Variants in KIF12 observed in about 807,000 individuals in gnomAD.
KIF12 encodes the protein kinesin family member 12.
A neutral mutation model predicts 87.9 loss-of-function variants in KIF12; 80 were observed. That is an observed-to-expected ratio of 0.91 (90% CI 0.76 to 1.10). The LOEUF (loss-of-function observed/expected upper bound fraction) is 1.10. Ranked by LOEUF, KIF12 falls within the 50% of genes least tolerant of loss-of-function variation. The pLI is 0.00. For missense variants in KIF12, 819 were observed against 865.3 expected (o/e 0.95, Z 0.67); for synonymous variants, 353 against 348.5 (o/e 1.01, Z -0.14).
chr9:114,092,060 T>C (rs1847019036), intron 18 of KIF12, 60 bp from the exon 19 acceptor site: 7 of 1,552,222 alleles, frequency 4.5e-6, no homozygotes, highest in South Asian at 3.5e-5. Flanking sequence ...CCCAGGTCCA[T>C]CTGGGTCCCA....
chr9:114,093,759 G>A, intron 14 of KIF12, 127 bp downstream of exon 14: 1 of 778,396 alleles, frequency 1.3e-6, no homozygotes. Context: ...CTAGTAGGTG[G>A]CAGAGCTGGA....
Position 114,091,977 on chromosome 9 carries a change from C to A in KIF12, c.1840G>T (p.Ala614Ser). Reference sequence around the variant, plus strand: ...TCTCTGAGGGCCTCCAGTCTCTGGGCCAGGTTTGGAACCCCGGCCCCACCT... The same window carrying A: ...TCTCTGAGGGCCTCCAGTCTCTGGGACAGGTTTGGAACCCCGGCCCCACCT... ...LRGGAGVPNL[A>S]QRLEALRDQI... The change falls in exon 19 of 19, where the codon GCC becomes TCC. Residue 614 changes from alanine to serine, a missense_variant. Transcript: ENST00000640217. 1.9e-6 allele frequency: 3 copies of A among 1,612,212 alleles called. No homozygotes were observed. The highest frequency in any genetic ancestry group is 2.5e-6 in the Non-Finnish European group (3 of 1,179,630).
In KIF12 at chr9:114,092,408, A is replaced by C; in HGVS notation, c.1741T>G (p.Leu581Val). 2 of 1,613,176 alleles carry C rather than the reference A, an allele frequency of 1.2e-6. No homozygotes were observed. The highest frequency in any genetic ancestry group is 1.7e-6 in the Non-Finnish European group (2 of 1,179,674). Residue 581 changes from leucine to valine, a missense_variant, in exon 18 of 19, where the codon TTG becomes GTG. Leu to Val is a conservative substitution (Grantham distance 32, BLOSUM62 1). Coordinates refer to ENST00000640217, the MANE Select transcript of KIF12 (RefSeq NM_001388308.1). ...WTQTRVLAEMLTEEEVVPSAP... is the reference protein window; with the variant it reads ...WTQTRVLAEMVTEEEVVPSAP... The stretch of plus-strand genomic sequence containing the variant: ...GAAGGTACCACCTCCTCCTCCGTCA[A>C]CATCTCTGCCAGGACTCGGGTCTGA...
intron 3 of KIF12, 39 bp downstream of exon 3, chr9:114,098,896 G>C (rs1432048436): frequency 6.5e-7 from 1 of 1,536,526 alleles, no homozygotes; most frequent in Admixed American, 2.0e-5. Flanking sequence ...GGCGTCCCCG[G>C]GATTTTTTAT....
chr9:114,095,355 A>G, intron 9 of KIF12, 23 bp from the exon 10 acceptor site: 1 of 1,606,888 alleles, frequency 6.2e-7, no homozygotes, highest in South Asian at 1.1e-5. Flanking sequence ...AGCAAGAGTT[A>G]GGAAGGTTAC....
Position 114,098,303 on chromosome 9 carries a change from C to A in KIF12, c.298G>T (p.Gly100Cys). The change falls in exon 4 of 19, where the codon GGT (glycine) becomes TGT (cysteine). Residue 100 changes from glycine (G) to cysteine (C), a missense_variant and splice_region_variant. Transcript: ENST00000640217. Reference sequence around the variant, plus strand: ...GAGCGGAGGCGAAGCTTCACTCACCCGCGCAGCGCCAGCTCCCCCAGGCGC... The same window carrying A: ...GAGCGGAGGCGAAGCTTCACTCACCAGCGCAGCGCCAGCTCCCCCAGGCGC... ...VRRLGELALR[G>C]FSCTVFTFGQ... is the part of the protein sequence containing the mutation. 2.7e-6 allele frequency: 4 copies of A among 1,468,216 alleles called. No individual in the cohort carries two copies. The highest frequency in any genetic ancestry group is 3.6e-6 in the Non-Finnish European group (4 of 1,115,062). The allele number at this position is 1,468,216 out of a possible 1,614,324, so 90.9% of individuals were successfully genotyped here. A position where few individuals can be genotyped will look rare whatever the true frequency, so the allele number is the denominator to read the frequency against.
Position 114,092,373 on chromosome 9 carries a change from G to C in KIF12, c.1776C>G (p.Pro592=), listed in dbSNP as rs771346210. Residue 592 remains proline (P), a synonymous_variant, in exon 18 of 19, where the codon CCC becomes CCG. Transcript: ENST00000640217. ...TEEEVVPSAP[P]LPVRPPKTSP... ...ATGTCTTCGGGGGCCTCACAGGCAG[G>C]GGAGGTGCAGAAGGTACCACCTCCT... 1 of 1,608,884 alleles carries C rather than the reference G, an allele frequency of 6.2e-7. No individual in the cohort carries two copies. The highest frequency in any genetic ancestry group is 8.5e-7 in the Non-Finnish European group (1 of 1,177,912).
intron 8 of KIF12, 23 bp from the exon 9 acceptor site, chr9:114,096,230 G>T (rs747088229): frequency 2.5e-6 from 4 of 1,612,992 alleles, no homozygotes; most frequent in Non-Finnish European, 2.5e-6. Flanking sequence ...AGCTTCATGG[G>T]GACTTGGGAG....
At chr9:114,093,050 G>A (rs969107070) in intron 16 of KIF12, 179 bp downstream of exon 16, 8 of 1,171,682 alleles carry the variant, frequency 6.8e-6, no homozygotes, top group African/African-American at 3.1e-5. Flanking sequence ...GGGTGAGGAG[G>A]GGGGAGGGTG....
At position 114,093,516 on chromosome 9, in the gene KIF12, T is replaced by C; in HGVS notation, c.1401-19A>G. The C allele has an allele frequency of 6.5e-7, 1 of 1,539,238 alleles. No homozygotes were observed. Among genetic ancestry groups the C allele is most frequent in the Non-Finnish European group, 8.8e-7 (1 of 1,135,920 alleles). ...GAGACGCCTAGAAAGAACAGCAGGG[T>C]CTATGCCTGCAGCCTCCAACCCTAC... On this transcript the variant is annotated intron_variant, in intron 14 of 18. Coordinates refer to ENST00000640217, the MANE Select transcript of KIF12 (RefSeq NM_001388308.1).
intron 14 of KIF12, 87 bp downstream of exon 14, chr9:114,093,799 G>A: frequency 8.5e-7 from 1 of 1,173,764 alleles, no homozygotes; most frequent in Non-Finnish European, 1.3e-6. Flanking sequence ...GAATCCAGAG[G>A]CCAGCCTCAA....
Position 114,095,338 on chromosome 9 carries a change from G to A in KIF12, c.896-6C>T. 2 of 1,612,090 alleles carry A rather than the reference G, an allele frequency of 1.2e-6. No individual in the cohort carries two copies. The highest frequency in any genetic ancestry group is 8.5e-7 in the Non-Finnish European group (1 of 1,179,710). ...CAGCAGGGAGATGCAGTGACCTGGGGAGGGAGAGCAAGAGTTAGGAAGGTT... is the reference window on the plus strand; with the variant it reads ...CAGCAGGGAGATGCAGTGACCTGGGAAGGGAGAGCAAGAGTTAGGAAGGTT... On this transcript the variant is annotated splice_region_variant and splice_polypyrimidine_tract_variant and intron_variant, in intron 9 of 18. Coordinates refer to ENST00000640217, the MANE Select transcript of KIF12 (RefSeq NM_001388308.1).
intron 18 of KIF12, 53 bp from the exon 19 acceptor site, chr9:114,092,053 A>C (rs1208968309): frequency 4.0e-5 from 63 of 1,562,912 alleles, no homozygotes; most frequent in Non-Finnish European, 5.3e-5. Context: ...TTCCTCACCC[A>C]GGTCCATCTG....
In KIF12 at chr9:114,095,296, T is replaced by C. The variant is rs770274803; in HGVS notation, c.932A>G (p.Lys311Arg). The C allele has an allele frequency of 4.3e-6, 7 of 1,613,750 alleles. No homozygotes were observed. The Admixed American group carries it at 1.2e-4, about 27-fold the overall frequency. Residue 311 changes from lysine (K) to arginine (R), a missense_variant, in exon 10 of 19, where the codon AAG becomes AGG. Physicochemically the swap from Lys to Arg is conservative, Grantham distance 26. Transcript: ENST00000640217. ...CISLLLDPQR[K>R]QSHIPFRDSK... is the part of the protein sequence containing the mutation. ...GTCCCGGAAAGGGATGTGGCTCTGC[T>C]TCCGCTGTGGGTCCAGCAGCAGGGA... is the stretch of plus-strand genomic sequence containing the variant.
chr9:114,093,206 A>C (rs1227553009), intron 16 of KIF12, 23 bp downstream of exon 16: 1 of 1,530,822 alleles, frequency 6.5e-7, no homozygotes, highest in Non-Finnish European at 8.9e-7. Context: ...GCCTTCCCTC[A>C]CTCCCACCAT....
intron 9 of KIF12, 72 bp downstream of exon 9, chr9:114,095,979 C>A: frequency 6.8e-7 from 1 of 1,475,056 alleles, no homozygotes; most frequent in Non-Finnish European, 9.2e-7. Context: ...TCTGGTATCC[C>A]CCACTGTGGA....
chr9:114,094,126 G>T, intron 13 of KIF12, 55 bp downstream of exon 13: 1 of 1,555,494 alleles, frequency 6.4e-7, no homozygotes, highest in Non-Finnish European at 8.9e-7. Context: ...GCCAGAAGCA[G>T]CCTAGCAGTG....
intron 3 of KIF12, 131 bp from the exon 4 acceptor site, chr9:114,098,560 C>G (rs1847343656): frequency 2.2e-6 from 1 of 457,400 alleles, no homozygotes; most frequent in Non-Finnish European, 3.3e-6. Context: ...GCGGGGCACC[C>G]TGGAGAAGGG....
intron 18 of KIF12, 114 bp from the exon 19 acceptor site, chr9:114,092,114 TCCCCCCACCCCA>T: frequency 7.2e-7 from 1 of 1,389,262 alleles, no homozygotes; most frequent in Non-Finnish European, 9.5e-7. Flanking sequence ...CCTCCACCCT[TCCCCCCACCCCA>T]CCCCCATACA....
Sources: gnomAD v4.1 joint callset for allele counts on GRCh38, gnomAD v4.1.1 for gene constraint, MANE v1.5 for transcripts, NCBI Gene and HGNC (gene_info 2026-07-23, HGNC 2026-07-21) for gene names.